DIS3L2: variants seen among roughly 807,000 people sequenced by gnomAD.
The protein encoded by DIS3L2 is DIS3-like exonuclease 2.
DIS3L2 carries 34 observed loss-of-function variants against 97.5 expected under a neutral mutation model. The observed-to-expected ratio is 0.35, with a 90% CI of 0.27 to 0.46. DIS3L2 has a LOEUF of 0.46. Ranked by LOEUF, DIS3L2 falls within the 20% of genes least tolerant of loss-of-function variation. The probability of loss-of-function intolerance (pLI) is 1.00; values close to 1 mark genes in which losing one functional copy is unlikely to be tolerated. For missense variants in DIS3L2, 1,038 were observed against 1,146.0 expected, an observed-to-expected ratio of 0.91 and a Z score of 1.36; for synonymous variants, 435 against 445.2, an observed-to-expected ratio of 0.98 and a Z score of 0.29.
intron 6 of DIS3L2, among the ~76,000 whole-genome samples, chr2:232,090,458 G>C (rs965706241): frequency 2.0e-5 from 3 of 152,102 alleles, no homozygotes; most frequent in African/African-American, 7.2e-5. Flanking sequence ...CCACATGGCT[G>C]TTTCTCATTT....
rs147682747 is a variant in DIS3L2 at position 232,307,129 on chromosome 2, T to C, written c.1739+7010T>C. On this transcript the variant is annotated intron_variant, in intron 14 of 20. Transcript: ENST00000325385. ...TCTGCTCCATGTCAGCTCTTAGCAC[T>C]GTGCCTTTCAGTTGTGGGTTTGCTT... Among the ~76,000 whole-genome samples the C allele has an allele frequency of 8.9e-3, 1,349 of 152,374 alleles. 22 individuals are homozygous for C. Among genetic ancestry groups the C allele is most frequent in the Admixed American group, 0.049 (747 of 15,308 alleles).
chr2:231,980,415 T>C (rs1233734487), intron 1 of DIS3L2, among the ~76,000 whole-genome samples: 1 of 152,128 alleles, frequency 6.6e-6, no homozygotes. Context: ...ATAAGCTTGT[T>C]AGGCTGGGCG....
chr2:232,263,347 C>T lies in DIS3L2; in HGVS notation c.1566C>T (p.Ser522=), dbSNP rs374299868. ...ELPPISPEHS[S]EEVHQAVLNL... ...CCCCCATTTCCCCAGAGCATAGCAG[C>T]GAGGAGGTACACCAGGCCGTCTTGA... is the stretch of plus-strand genomic sequence containing the variant. The change falls in exon 13 of 21, where the codon AGC becomes AGT. Residue 522 remains serine (S), a synonymous_variant. Transcript: ENST00000325385. 20 of 1,614,180 alleles carry T rather than the reference C, an allele frequency of 1.2e-5. No individual in the cohort carries two copies. The highest frequency in any genetic ancestry group is 3.3e-5 in the South Asian group (3 of 91,080).
At chr2:232,327,408 C>G (rs1695609146) in intron 14 of DIS3L2, among the ~76,000 whole-genome samples, 2 of 152,220 alleles carry the variant, frequency 1.3e-5, no homozygotes, top group Admixed American at 6.5e-5. Context: ...TGCTCCTGCC[C>G]AGGAGGATTG....
At chr2:232,157,969 C>T (rs1690543500) in intron 8 of DIS3L2, among the ~76,000 whole-genome samples, 1 of 152,196 alleles carries the variant, frequency 6.6e-6, no homozygotes, top group Non-Finnish European at 1.5e-5. Flanking sequence ...TGTCTGGACT[C>T]ATTTCAGTGG....
intron 9 of DIS3L2, among the ~76,000 whole-genome samples, chr2:232,200,237 T>C (rs1311990377): frequency 1.3e-5 from 2 of 152,204 alleles, no homozygotes; most frequent in African/African-American, 4.8e-5. Context: ...GCATTTAGGT[T>C]GAACCACATG....
chr2:232,088,006 G>A (rs1411719266), intron 6 of DIS3L2, among the ~76,000 whole-genome samples: 2 of 152,208 alleles, frequency 1.3e-5, no homozygotes, highest in Non-Finnish European at 2.9e-5. Flanking sequence ...TGCGATAGGC[G>A]CAATCCTGTG....
chr2:232,063,243 A>G (rs1695762499), intron 5 of DIS3L2, among the ~76,000 whole-genome samples: 1 of 152,174 alleles, frequency 6.6e-6, no homozygotes. Flanking sequence ...TCCTATAGCC[A>G]GTTGATCAAT....
intron 11 of DIS3L2, among the ~76,000 whole-genome samples, chr2:232,239,153 T>C (rs1693013809): frequency 6.6e-6 from 1 of 152,116 alleles, no homozygotes; most frequent in South Asian, 2.1e-4. Flanking sequence ...AGCCTGAGCT[T>C]TTCCCTCTCA....
At chr2:232,330,993 G>A (rs553877692) in intron 16 of DIS3L2, among the ~76,000 whole-genome samples, 4 of 137,360 alleles carry the variant, frequency 2.9e-5, no homozygotes, top group East Asian at 4.4e-4. Context: ...AGTTTGAGCC[G>A]CTGTCTCCTG....
chr2:232,133,095 C>G (rs1258652402), intron 7 of DIS3L2, among the ~76,000 whole-genome samples: 1 of 152,104 alleles, frequency 6.6e-6, no homozygotes, highest in African/African-American at 2.4e-5. Context: ...CCAGAGACTT[C>G]CCTCTCCCAC....
At chr2:232,254,446 A>G (rs1014097358) in intron 12 of DIS3L2, among the ~76,000 whole-genome samples, 18 of 152,194 alleles carry the variant, frequency 1.2e-4, no homozygotes, top group African/African-American at 4.3e-4. Context: ...ATGTTTGGGT[A>G]GTAAAACTAT....
chr2:232,242,192 A>G (rs1693118672), intron 11 of DIS3L2, among the ~76,000 whole-genome samples: 1 of 152,234 alleles, frequency 6.6e-6, no homozygotes, highest in Non-Finnish European at 1.5e-5. Flanking sequence ...CAAGTGAATT[A>G]ATCTATTTCC....
At position 232,336,636 on chromosome 2, in the gene DIS3L2, A is replaced by G; in HGVS notation, c.*6A>G. ...AGGACTCAAGCACCAGCTGAGCTCC[A>G]CCAGCCGCCTGCCCCGCCTGCCCCG... On this transcript the variant is annotated 3_prime_UTR_variant, in exon 21 of 21. Coordinates refer to ENST00000325385, the MANE Select transcript of DIS3L2 (RefSeq NM_152383.5). 6.4e-7 allele frequency: 1 copy of G among 1,565,270 alleles called. No homozygotes were observed. The highest frequency in any genetic ancestry group is 8.6e-7 in the Non-Finnish European group (1 of 1,160,570).
intron 7 of DIS3L2, chr2:232,131,916 T>A (rs1422618002): frequency 1.6e-5 from 2 of 123,366 alleles, no homozygotes; most frequent in Non-Finnish European, 3.2e-5. Context: ...GTGCAGTATT[T>A]AAAAATTTTG....
intron 1 of DIS3L2, among the ~76,000 whole-genome samples, chr2:231,993,325 T>G (rs1326031253): frequency 1.3e-5 from 2 of 152,282 alleles, no homozygotes; most frequent in South Asian, 4.1e-4. Flanking sequence ...GCAAGTCTCC[T>G]GCCTCAGCCT....
chr2:232,324,197 T>C (rs1037071065), intron 14 of DIS3L2, among the ~76,000 whole-genome samples: 1 of 152,140 alleles, frequency 6.6e-6, no homozygotes, highest in Non-Finnish European at 1.5e-5. Context: ...GCTGCCTTCA[T>C]GGCCTCGGCA....
chr2:232,291,166 G>A (rs905656808), intron 13 of DIS3L2, among the ~76,000 whole-genome samples: 1 of 152,132 alleles, frequency 6.6e-6, no homozygotes, highest in Non-Finnish European at 1.5e-5. Context: ...CCATAGAATC[G>A]TCATTAACCA....
intron 14 of DIS3L2, chr2:232,328,449 C>G (rs1333125252): frequency 6.6e-6 from 1 of 152,184 alleles, no homozygotes; most frequent in Non-Finnish European, 1.5e-5. Context: ...CACGTCTGCC[C>G]TGGCAGGCCC....
Sources: gnomAD v4.1 joint callset for allele counts (sites outside exome capture counted in the v4.1 genomes callset) on GRCh38, gnomAD v4.1.1 for gene constraint, MANE v1.5 for transcripts, NCBI Gene and HGNC (gene_info 2026-07-23, HGNC 2026-07-21) for gene names.